YAF2: variants seen among roughly 807,000 people sequenced by gnomAD.
The protein encoded by YAF2 is YY1 associated factor 2.
A neutral mutation model predicts 20.1 loss-of-function variants in YAF2; 7 were observed. The ratio of observed to expected loss-of-function variants is 0.35; its 90% CI spans 0.20 to 0.65. YAF2 has a LOEUF of 0.65. Among genes scored for constraint, YAF2 ranks in the 30% least tolerant of loss-of-function variants. The pLI is 0.69. For synonymous variants in YAF2, 74 were observed against 76.0 expected, an observed-to-expected ratio of 0.97 and a Z score of 0.14; for missense variants, 151 against 219.2, an observed-to-expected ratio of 0.69 and a Z score of 1.96.
chr12:42,170,661 C>A (rs1473652289), intron 2 of YAF2, among the ~76,000 whole-genome samples: 2 of 151,776 alleles, frequency 1.3e-5, no homozygotes, highest in African/African-American at 2.4e-5. Context: ...AACAAACAAA[C>A]AAACAAAAAA....
At chr12:42,237,832 AC>A in intron 1 of YAF2, 108 bp from the exon 2 acceptor site, 1 of 843,974 alleles carries the variant, frequency 1.2e-6, no homozygotes, top group Non-Finnish European at 1.4e-6. Context: ...CAATTCTGCG[AC>A]CCCCGCCCCG....
At chr12:42,189,121 T>G (rs532498916) in intron 2 of YAF2, among the ~76,000 whole-genome samples, 2 of 152,180 alleles carry the variant, frequency 1.3e-5, no homozygotes, top group African/African-American at 4.8e-5. Context: ...AGCAGGGCAA[T>G]TAAGGTAGAG....
intron 2 of YAF2, among the ~76,000 whole-genome samples, chr12:42,196,164 G>GT (rs1389203296): frequency 1.4e-5 from 2 of 142,414 alleles, no homozygotes; most frequent in Non-Finnish European, 3.0e-5. Context: ...GGAGGTTGCA[G>GT]TAAGGTGAGC....
intron 2 of YAF2, among the ~76,000 whole-genome samples, chr12:42,208,282 C>G (rs2067109658): frequency 6.6e-6 from 1 of 151,864 alleles, no homozygotes; most frequent in Non-Finnish European, 1.5e-5. Context: ...AAAAGCTAGC[C>G]AGGCCTGGTG....
chr12:42,224,705 A>G (rs1416727180), intron 2 of YAF2, among the ~76,000 whole-genome samples: 1 of 152,004 alleles, frequency 6.6e-6, no homozygotes, highest in East Asian at 1.9e-4. Context: ...AAGGACATGA[A>G]CTCATCCTTT....
In YAF2 at chr12:42,158,779, T is replaced by A. The variant is rs908282196; in HGVS notation, c.*1810A>T. 2 of 152,224 alleles carry A rather than the reference T, an allele frequency of 1.3e-5. No individual in the cohort carries two copies. Among genetic ancestry groups the A allele is most frequent in the Non-Finnish European group, 2.9e-5 (2 of 68,018 alleles). The allele number at this position is 152,224 out of a possible 1,614,324, so 9.4% of individuals were successfully genotyped here. On this transcript the variant is annotated 3_prime_UTR_variant, in exon 4 of 4. Transcript: ENST00000534854. ...TCTCTTGCAGCTCATTTAAAATACA[T>A]CCTGAAAGTTATTTGATCATAAGAT...
chr12:42,215,467 T>C (rs117543576), intron 2 of YAF2, among the ~76,000 whole-genome samples: 120 of 152,324 alleles, frequency 7.9e-4, no homozygotes, highest in Non-Finnish European at 1.3e-3. Flanking sequence ...TGTTACTTTA[T>C]AGAACAAATG....
At chr12:42,205,137 T>C (rs1027478418) in intron 2 of YAF2, among the ~76,000 whole-genome samples, 3 of 151,782 alleles carry the variant, frequency 2.0e-5, no homozygotes, top group African/African-American at 7.2e-5. Flanking sequence ...TTCTTTTTCT[T>C]GTATAGACAA....
intron 2 of YAF2, among the ~76,000 whole-genome samples, chr12:42,187,910 T>C (rs1433813021): frequency 6.6e-6 from 1 of 152,262 alleles, no homozygotes; most frequent in East Asian, 1.9e-4. Flanking sequence ...TCATTCACTC[T>C]GGGGGAAGCC....
chr12:42,232,967 T>C (rs2068026959), intron 2 of YAF2: 1 of 985,340 alleles, frequency 1.0e-6, no homozygotes, highest in Admixed American at 6.1e-5. Context: ...TAGAGCTTGG[T>C]ACAGTTAAAG....
intron 2 of YAF2, among the ~76,000 whole-genome samples, chr12:42,214,874 G>T (rs2067309801): frequency 6.6e-6 from 1 of 151,944 alleles, no homozygotes; most frequent in Non-Finnish European, 1.5e-5. Flanking sequence ...CGTGGTGGCA[G>T]GCGCCTGCGG....
At chr12:42,165,346 AACG>A (rs1442821250) in intron 2 of YAF2, among the ~76,000 whole-genome samples, 1 of 152,224 alleles carries the variant, frequency 6.6e-6, no homozygotes, top group Non-Finnish European at 1.5e-5. Context: ...AGAACAATGA[AACG>A]ACTTCATTAA....
chr12:42,169,202 CT>C (rs2065984013), intron 2 of YAF2, among the ~76,000 whole-genome samples: 1 of 152,190 alleles, frequency 6.6e-6, no homozygotes, highest in Non-Finnish European at 1.5e-5. Context: ...CAGTCCTCAT[CT>C]TATTTGACTT....
chr12:42,195,297 C>T (rs1486159810), intron 2 of YAF2, among the ~76,000 whole-genome samples: 1 of 152,150 alleles, frequency 6.6e-6, no homozygotes, highest in East Asian at 1.9e-4. Context: ...TATACTATCA[C>T]GTAAAGCACA....
chr12:42,199,226 C>T, intron 2 of YAF2: 1 of 1,288,808 alleles, frequency 7.8e-7, no homozygotes, highest in African/African-American at 1.5e-5. Flanking sequence ...AGGCTCTCTT[C>T]CTGTTATCTC....
At position 42,234,656 on chromosome 12, in the gene YAF2, C is replaced by A. The variant is rs1037711186; in HGVS notation, c.152+2943G>T. 5.0e-5 allele frequency: 49 copies of A among 984,374 alleles called. No individual in the cohort carries two copies. The African/African-American group carries it at 7.9e-4, about 16-fold the overall frequency. 61.0% of individuals were successfully genotyped at this position (984,374 alleles called of 1,614,324 possible). On this transcript the variant is annotated intron_variant, in intron 2 of 3. Coordinates refer to ENST00000534854, the MANE Select transcript of YAF2 (RefSeq NM_005748.6). ...GCTTCTGTTGCATAAAGAATTTGAA[C>A]TTAATATTATTTAAAGAAAAAAAAT...
At chr12:42,180,766 T>C (rs894647290) in intron 2 of YAF2, among the ~76,000 whole-genome samples, 3 of 152,018 alleles carry the variant, frequency 2.0e-5, no homozygotes, top group South Asian at 2.1e-4. Flanking sequence ...CTGGTCAACA[T>C]GGCAGAACCC....
chr12:42,182,477 A>G (rs2066369041), intron 2 of YAF2, among the ~76,000 whole-genome samples: 2 of 152,232 alleles, frequency 1.3e-5, no homozygotes, highest in South Asian at 4.1e-4. Context: ...CTGAAAGAAA[A>G]GTTATTTCTA....
At chr12:42,176,913 A>T (rs535973068) in intron 2 of YAF2, among the ~76,000 whole-genome samples, 6 of 152,262 alleles carry the variant, frequency 3.9e-5, no homozygotes, top group African/African-American at 7.2e-5. Context: ...GTTGCAGTGA[A>T]CCGAGATCAC....
Sources: gnomAD v4.1 joint callset for allele counts (sites outside exome capture counted in the v4.1 genomes callset) on GRCh38, gnomAD v4.1.1 for gene constraint, MANE v1.5 for transcripts, NCBI Gene and HGNC (gene_info 2026-07-23, HGNC 2026-07-21) for gene names.